The following SCOC variants were observed in gnomAD, a reference collection of about 807,000 sequenced individuals.
SCOC encodes short coiled coil protein.
In SCOC, 7 loss-of-function variants were observed where a neutral mutation model predicts 9.9. The observed-to-expected ratio is 0.71, with a 90% CI of 0.40 to 1.33. SCOC has a LOEUF of 1.33. SCOC is among the 40% of genes most tolerant of loss of function. The pLI, the probability that SCOC is intolerant of heterozygous loss-of-function variation, is 0.01. For synonymous variants in SCOC, 19 were observed against 28.2 expected (o/e 0.67, Z 1.03); for missense variants, 66 against 89.7 (o/e 0.74, Z 1.07).
chr4:140,325,227 A>C (rs1732611309), intron 1 of SCOC, among the ~76,000 whole-genome samples: 1 of 152,154 alleles, frequency 6.6e-6, no homozygotes, highest in South Asian at 2.1e-4. Flanking sequence ...AAAACATAGA[A>C]AATTTGTGTG....
Position 140,379,784 on chromosome 4 carries a change from ATATC to A in SCOC, c.106+138_106+141del, listed in dbSNP as rs991373670. 1.1e-4 allele frequency: 65 copies of A among 617,194 alleles called. No individual in the cohort carries two copies. The Middle Eastern group carries it at 2.2e-3, about 21-fold the overall frequency. The allele number at this position is 617,194 out of a possible 1,614,324, so 38.2% of individuals were successfully genotyped here. ...TGAACTTCAAAGTACACACATATAT[ATATC>A]TATCTTCCTGCTTTGGTAGTTTAAA... On this transcript the variant is annotated intron_variant, in intron 3 of 3. Transcript: ENST00000608372.
At chr4:140,329,336 C>G (rs1206208859) in intron 1 of SCOC, among the ~76,000 whole-genome samples, 1 of 152,110 alleles carries the variant, frequency 6.6e-6, no homozygotes, top group Non-Finnish European at 1.5e-5. Flanking sequence ...AGACCTGAAA[C>G]CATAAAGATT....
At position 140,326,651 on chromosome 4, in the gene SCOC, C is replaced by A. The variant is rs575279934; in HGVS notation, c.-18-16970C>A. Among the ~76,000 whole-genome samples the A allele has an allele frequency of 8.6e-5, 13 of 151,886 alleles. 1 individual carries two copies. Among genetic ancestry groups the A allele is most frequent in the Non-Finnish European group, 1.5e-4 (10 of 67,948 alleles). ...AAATGAGTTATAGGCAGACCCCCCC[C>A]CCTACACTGTTAGGGAGAAAACAAA... On this transcript the variant is annotated intron_variant, in intron 1 of 4. Coordinates refer to the SCOC transcript ENST00000394205.
At chr4:140,280,266 C>T (rs543504650) in intron 1 of SCOC, among the ~76,000 whole-genome samples, 10 of 152,240 alleles carry the variant, frequency 6.6e-5, no homozygotes, top group Admixed American at 6.5e-4. Context: ...CAGGCATGCG[C>T]TAGCATGCCC....
intron 2 of SCOC, among the ~76,000 whole-genome samples, chr4:140,352,696 C>T (rs544030783): frequency 1.3e-5 from 2 of 152,280 alleles, no homozygotes; most frequent in East Asian, 1.9e-4. Context: ...TTTCAGTAAT[C>T]GAGAGTGTTC....
chr4:140,323,011 A>G (rs1331226923), intron 1 of SCOC, among the ~76,000 whole-genome samples: 1 of 152,172 alleles, frequency 6.6e-6, no homozygotes, highest in Non-Finnish European at 1.5e-5. Flanking sequence ...ATGAAATTGA[A>G]AATAGGAAAA....
intron 1 of SCOC, among the ~76,000 whole-genome samples, chr4:140,262,266 A>C (rs1387237080): frequency 6.6e-6 from 1 of 152,194 alleles, no homozygotes; most frequent in Non-Finnish European, 1.5e-5. Context: ...GAGGGAAGAA[A>C]GGAAAAAGGA....
intron 1 of SCOC, among the ~76,000 whole-genome samples, chr4:140,313,437 A>G (rs1356007848): frequency 1.3e-5 from 2 of 152,146 alleles, no homozygotes; most frequent in Non-Finnish European, 2.9e-5. Context: ...CTTTTAATAG[A>G]GATGGGGTTT....
chr4:140,274,793 G>T (rs145634959), intron 1 of SCOC, among the ~76,000 whole-genome samples: 1 of 152,122 alleles, frequency 6.6e-6, no homozygotes, highest in East Asian at 1.9e-4. Context: ...ACCACTCCTC[G>T]GTGTCTAAGG....
intron 2 of SCOC, chr4:140,366,471 CT>C: frequency 6.4e-7 from 1 of 1,550,762 alleles, no homozygotes; most frequent in Non-Finnish European, 8.9e-7. Context: ...GGAGAGCTGC[CT>C]TTTGAAGCTT....
At chr4:140,280,520 T>C (rs1468374915) in intron 1 of SCOC, among the ~76,000 whole-genome samples, 1 of 152,188 alleles carries the variant, frequency 6.6e-6, no homozygotes, top group Non-Finnish European at 1.5e-5. Flanking sequence ...TATGCTTCTC[T>C]CTCCCTTTAG....
chr4:140,282,392 A>C (rs1388259753), intron 1 of SCOC, among the ~76,000 whole-genome samples: 1 of 152,186 alleles, frequency 6.6e-6, no homozygotes, highest in African/African-American at 2.4e-5. Flanking sequence ...AAAACCTGAC[A>C]TGTGAAAGCC....
At chr4:140,353,877 T>G (rs999701106) in intron 2 of SCOC, among the ~76,000 whole-genome samples, 1 of 152,222 alleles carries the variant, frequency 6.6e-6, no homozygotes, top group African/African-American at 2.4e-5. Flanking sequence ...CAGCCCTTAC[T>G]CACTTTCTTC....
At chr4:140,370,587 T>A (rs1309034988), upstream of SCOC, among the ~76,000 whole-genome samples, 1 of 152,240 alleles carries the variant, frequency 6.6e-6, no homozygotes, top group East Asian at 1.9e-4. Flanking sequence ...ACCTGAGTTC[T>A]GTATACTTAA....
intron 1 of SCOC, among the ~76,000 whole-genome samples, chr4:140,317,928 T>G (rs1333633289): frequency 7.3e-6 from 1 of 137,856 alleles, no homozygotes; most frequent in East Asian, 2.2e-4. Context: ...AATTCCCACC[T>G]ATGAGTGAGA....
At chr4:140,299,902 C>T (rs1243665637) in intron 1 of SCOC, among the ~76,000 whole-genome samples, 1 of 152,220 alleles carries the variant, frequency 6.6e-6, no homozygotes, top group African/African-American at 2.4e-5. Context: ...GGCCCACCCT[C>T]TGCCTTTAAA....
intron 1 of SCOC, among the ~76,000 whole-genome samples, chr4:140,336,151 T>G (rs963308813): frequency 2.6e-5 from 4 of 152,202 alleles, no homozygotes; most frequent in Non-Finnish European, 5.9e-5. Context: ...ATTCATACTA[T>G]GTAGAGACAG....
intron 2 of SCOC, among the ~76,000 whole-genome samples, chr4:140,355,745 T>C (rs769274202): frequency 3.0e-4 from 45 of 152,166 alleles, no homozygotes; most frequent in Non-Finnish European, 5.7e-4. Context: ...ACATGAAAGA[T>C]AGAATATAAA....
chr4:140,280,153 G>A (rs995613973), intron 1 of SCOC, among the ~76,000 whole-genome samples: 1 of 152,068 alleles, frequency 6.6e-6, no homozygotes, highest in East Asian at 1.9e-4. Flanking sequence ...GTCTAGCTTT[G>A]TTGCTCAGGC....
Sources: allele counts gnomAD v4.1 joint callset (sites outside exome capture counted in the v4.1 genomes callset), GRCh38; gene constraint gnomAD v4.1.1; transcripts MANE v1.5; gene names NCBI Gene and HGNC (gene_info 2026-07-23, HGNC 2026-07-21).